The following RBFOX3 variants were observed in gnomAD, a reference collection of about 807,000 sequenced individuals.
RBFOX3 encodes RNA binding fox-1 homolog 3.
RBFOX3 carries 17 observed loss-of-function variants against 48.7 expected under a neutral mutation model. The observed-to-expected ratio is 0.35, with a 90% confidence interval of 0.24 to 0.52. RBFOX3 has a LOEUF of 0.52. Ranked by LOEUF, RBFOX3 falls within the 20% of genes least tolerant of loss-of-function variation. RBFOX3 has a pLI of 0.94. For missense variants in RBFOX3, 382 were observed against 497.5 expected (o/e 0.77, Z 2.21); for synonymous variants, 212 against 209.5 (o/e 1.01, Z -0.10).
At chr17:79,092,343 A>T (rs2074090024) in intron 14 of RBFOX3, 1 of 985,452 alleles carries the variant, frequency 1.0e-6, no homozygotes, top group African/African-American at 1.7e-5. Context: ...AACAAAGTCA[A>T]AATAGGAAAT....
At chr17:79,645,186 G>A in the RBFOX3 span, among the ~76,000 whole-genome samples, 14 of 151,930 alleles carry the variant, frequency 9.2e-5, no homozygotes, top group Non-Finnish European at 1.0e-4. Context: ...TCCACACCCC[G>A]CCTTTCGCTT....
intron 2 of RBFOX3, among the ~76,000 whole-genome samples, chr17:79,453,633 T>C (rs2073958814): frequency 6.6e-6 from 1 of 151,966 alleles, no homozygotes; most frequent in Non-Finnish European, 1.5e-5. Context: ...TGCGGAGATG[T>C]GTGGGTATGT....
At chr17:79,580,565 C>A (rs1021537963) in intron 1 of RBFOX3, among the ~76,000 whole-genome samples, 6 of 152,096 alleles carry the variant, frequency 3.9e-5, no homozygotes, top group African/African-American at 1.4e-4. Context: ...CAGTGAGGCA[C>A]CTCGATCAGC....
At chr17:79,548,568 T>C (rs1418288014) in intron 1 of RBFOX3, among the ~76,000 whole-genome samples, 3 of 152,216 alleles carry the variant, frequency 2.0e-5, no homozygotes, top group Non-Finnish European at 4.4e-5. Context: ...GTCCGAGAAG[T>C]GCAGCTCTTG....
intron 1 of RBFOX3, among the ~76,000 whole-genome samples, chr17:79,487,441 A>G (rs1230314914): frequency 1.3e-5 from 2 of 152,204 alleles, no homozygotes; most frequent in Non-Finnish European, 2.9e-5. Flanking sequence ...ACAGCTAGGA[A>G]AGAATGTGCT....
chr17:79,415,413 A>G (rs1481532359), intron 2 of RBFOX3, among the ~76,000 whole-genome samples: 1 of 152,106 alleles, frequency 6.6e-6, no homozygotes, highest in African/African-American at 2.4e-5. Flanking sequence ...AGAAGGGGGC[A>G]CTGTGCACCC....
At chr17:79,262,038 T>C (rs762483173) in intron 3 of RBFOX3, among the ~76,000 whole-genome samples, 1 of 152,248 alleles carries the variant, frequency 6.6e-6, no homozygotes, top group Non-Finnish European at 1.5e-5. Context: ...GAGATTCCTT[T>C]TGAGGTTTGA....
At chr17:79,441,673 G>A (rs1202785713) in intron 2 of RBFOX3, among the ~76,000 whole-genome samples, 1 of 152,194 alleles carries the variant, frequency 6.6e-6, no homozygotes, top group African/African-American at 2.4e-5. Context: ...GTTGTTTTAA[G>A]CCCCCTAGTG....
the RBFOX3 span, among the ~76,000 whole-genome samples, chr17:79,621,527 G>A: frequency 5.3e-5 from 8 of 152,334 alleles, no homozygotes; most frequent in East Asian, 1.5e-3. Flanking sequence ...ACTGAATCAT[G>A]TTGGTCGTTA....
At chr17:79,498,956 C>CCACTCATG (rs1211282837) in intron 1 of RBFOX3, among the ~76,000 whole-genome samples, 1 of 151,702 alleles carries the variant, frequency 6.6e-6, no homozygotes, top group Non-Finnish European at 1.5e-5. Flanking sequence ...ACCCATGCAT[C>CCACTCATG]CACTCATGCA....
In RBFOX3 at chr17:79,471,611, C is replaced by T. The variant is rs2077071573; in HGVS notation, c.-175+10843G>A. On this transcript the variant is annotated intron_variant, in intron 2 of 14. Coordinates refer to ENST00000693108, the MANE Select transcript of RBFOX3 (RefSeq NM_001350451.2). This position sits in a 1 kb window ranked among gnomAD's most constrained non-coding sequence, Gnocchi z 4.0. ...ACGACATAAACAAGGAAGGCGCACA[C>T]ACACCTGTCACCTCTCCGTGGACTG... 6.6e-6 allele frequency among the ~76,000 whole-genome samples: 1 copy of T among 152,198 alleles called. No homozygotes were observed. The highest frequency in any genetic ancestry group is 1.9e-4 in the East Asian group (1 of 5,190).
intron 2 of RBFOX3, among the ~76,000 whole-genome samples, chr17:79,412,823 G>GTA (rs2064675417): frequency 6.6e-6 from 1 of 151,594 alleles, no homozygotes; most frequent in African/African-American, 2.4e-5. Context: ...GCATGTGTGT[G>GTA]TATATATGTG....
chr17:79,270,434 C>T (rs1411793254), intron 3 of RBFOX3, among the ~76,000 whole-genome samples: 1 of 152,228 alleles, frequency 6.6e-6, no homozygotes, highest in African/African-American at 2.4e-5. Context: ...GCACCCCCTC[C>T]CCTGTGTTGC....
chr17:79,285,346 G>T (rs991544318), intron 3 of RBFOX3, among the ~76,000 whole-genome samples: 2 of 152,202 alleles, frequency 1.3e-5, no homozygotes, highest in Non-Finnish European at 2.9e-5. Context: ...TAATGAAACA[G>T]ACCTGTTGAT....
the RBFOX3 span, among the ~76,000 whole-genome samples, chr17:79,640,574 C>T: frequency 1.1e-4 from 16 of 152,076 alleles, no homozygotes; most frequent in African/African-American, 3.4e-4. Context: ...CTACAGTAAT[C>T]AAAATATTAT....
intron 4 of RBFOX3, among the ~76,000 whole-genome samples, chr17:79,118,989 A>AG (rs1475283510): frequency 6.7e-6 from 1 of 148,412 alleles, no homozygotes; most frequent in Non-Finnish European, 1.5e-5. Flanking sequence ...AAAAAAAAAA[A>AG]AAAATAAAGA....
chr17:79,435,225 T>C (rs138446376), intron 2 of RBFOX3, among the ~76,000 whole-genome samples: 1 of 152,294 alleles, frequency 6.6e-6, no homozygotes, highest in Non-Finnish European at 1.5e-5. Context: ...AGGAAGCTGG[T>C]TCTCAGTTTG....
At chr17:79,353,451 G>T (rs1395065415) in intron 2 of RBFOX3, among the ~76,000 whole-genome samples, 1 of 152,166 alleles carries the variant, frequency 6.6e-6, no homozygotes, top group African/African-American at 2.4e-5. Context: ...AGCTTTGTTT[G>T]TTTGAGCAAA....
At chr17:79,247,310 A>ATTTTTTTTTT (rs57539628) in intron 3 of RBFOX3, among the ~76,000 whole-genome samples, 2 of 116,570 alleles carry the variant, frequency 1.7e-5, no homozygotes, top group Non-Finnish European at 1.7e-5. Flanking sequence ...ACATAATCGT[A>ATTTTTTTTTT]TTTTTTTTTT....
Sources: gnomAD v4.1 joint callset for allele counts (sites outside exome capture counted in the v4.1 genomes callset) on GRCh38, gnomAD v4.1.1 for gene constraint, Gnocchi (gnomAD v3.1) non-coding constraint, MANE v1.5 for transcripts, NCBI Gene and HGNC (gene_info 2026-07-23, HGNC 2026-07-21) for gene names.